Variants in RAMP3 observed in about 807,000 individuals in gnomAD.
RAMP3 encodes the protein receptor activity-modifying protein 3.
Under a neutral mutation model 13.5 loss-of-function variants are expected in RAMP3, and 14 were observed. The observed-to-expected ratio is 1.04, with a 90% CI of 0.69 to 1.63. The LOEUF (loss-of-function observed/expected upper bound fraction) is 1.63, where lower values mean the gene tolerates loss of function less well. Ranked by LOEUF, RAMP3 falls within the 40% of genes most tolerant of loss-of-function variation. The pLI is 0.00. For missense variants in RAMP3, 200 were observed against 204.8 expected, an observed-to-expected ratio of 0.98 and a Z score of 0.14; for synonymous variants, 106 against 88.3, an observed-to-expected ratio of 1.20 and a Z score of -1.12.
chr7:45,172,200 G>A (rs1231867161), intron 1 of RAMP3, among the ~76,000 whole-genome samples: 1 of 152,216 alleles, frequency 6.6e-6, no homozygotes, highest in East Asian at 1.9e-4. Context: ...CCTGGAGCTG[G>A]GAGGGACATG....
intron 1 of RAMP3, among the ~76,000 whole-genome samples, chr7:45,172,441 A>C (rs1004226019): frequency 6.6e-6 from 1 of 152,160 alleles, no homozygotes; most frequent in East Asian, 1.9e-4. Flanking sequence ...TGAGCTTCTC[A>C]TACCACCATC....
At position 45,183,950 on chromosome 7, in the gene RAMP3, C is replaced by G; in HGVS notation, c.*538C>G. 1 of 414,624 alleles carries G rather than the reference C, an allele frequency of 2.4e-6. No homozygotes were observed. Among genetic ancestry groups the G allele is most frequent in the Non-Finnish European group, 4.3e-6 (1 of 234,450 alleles). 25.7% of individuals were successfully genotyped at this position (414,624 alleles called of 1,614,324 possible). A position where few individuals can be genotyped will look rare whatever the true frequency, so the allele number is the denominator to read the frequency against. ...CCTCCGAGCCCTCCTGGTGGGAAGA[C>G]AGCTGGAAAGGCTGGGAGGAGAAGG... On this transcript the variant is annotated 3_prime_UTR_variant, in exon 3 of 3. Transcript: ENST00000242249.
At chr7:45,163,323 A>G (rs1003610134) in intron 1 of RAMP3, 3 of 985,338 alleles carry the variant, frequency 3.0e-6, no homozygotes, top group East Asian at 2.3e-4. Flanking sequence ...TACCAGCCTT[A>G]TAGAAGAATG....
Position 45,183,352 on chromosome 7 carries a change from G to A in RAMP3, c.387G>A (p.Leu129=), listed in dbSNP as rs997378061. ...CGCTGATCGTTATACCCGTCGTTCTGACTGTCGCCATGGCTGGCCTGGTGG... is the reference window on the plus strand; with the variant it reads ...CGCTGATCGTTATACCCGTCGTTCTAACTGTCGCCATGGCTGGCCTGGTGG... ...LIPLIVIPVV[L]TVAMAGLVVW... The change falls in exon 3 of 3, where the codon CTG becomes CTA. Residue 129 remains leucine (L), a synonymous_variant. Coordinates refer to ENST00000242249, the MANE Select transcript of RAMP3 (RefSeq NM_005856.3). 8 of 1,613,792 alleles carry A rather than the reference G, an allele frequency of 5.0e-6. No homozygotes were observed. The highest frequency in any genetic ancestry group is 1.3e-5 in the African/African-American group (1 of 74,938).
chr7:45,162,649 C>T (rs114060212), intron 1 of RAMP3, among the ~76,000 whole-genome samples: 1,773 of 152,240 alleles, frequency 0.012, 30 homozygotes, highest in African/African-American at 0.041. Flanking sequence ...TAGGGCTTGG[C>T]GGGTTGGGCC....
intron 1 of RAMP3, among the ~76,000 whole-genome samples, chr7:45,170,150 C>CTT (rs35891443): frequency 7.1e-4 from 90 of 127,120 alleles, no homozygotes; most frequent in African/African-American, 1.3e-3. Context: ...CTTTTAAAAG[C>CTT]TTTTTTTTTT....
At position 45,184,177 on chromosome 7, in the gene RAMP3, G is replaced by T; in HGVS notation, c.*765G>T. 1 of 398,728 alleles carries T rather than the reference G, an allele frequency of 2.5e-6. No homozygotes were observed. The highest frequency in any genetic ancestry group is 4.4e-6 in the Non-Finnish European group (1 of 226,164). The allele number at this position is 398,728 out of a possible 1,614,324, so 24.7% of individuals were successfully genotyped here. A position where few individuals can be genotyped will look rare whatever the true frequency, so the allele number is the denominator to read the frequency against. ...TGTGGGTGAGGGGCCCTCTGGAATG[G>T]CATCCCATGAGCTTGTGGCCTCTAT... On this transcript the variant is annotated 3_prime_UTR_variant, in exon 3 of 3. Transcript: ENST00000242249.
rs569002365 is a variant in RAMP3 at position 45,180,097 on chromosome 7, T to C, written c.191+2656T>C. On this transcript the variant is annotated intron_variant, in intron 2 of 2. Coordinates refer to ENST00000242249, the MANE Select transcript of RAMP3 (RefSeq NM_005856.3). The stretch of plus-strand genomic sequence containing the variant: ...GCACCTCCAGCATCTGATTCCCACA[T>C]ACCTTTCTCAAGCTCTGGCGGCTGT... 4.6e-5 allele frequency among the ~76,000 whole-genome samples: 7 copies of C among 152,344 alleles called. No individual in the cohort carries two copies. The East Asian group carries it at 1.2e-3, about 25-fold the overall frequency.
At chr7:45,183,102 G>T in intron 2 of RAMP3, 55 bp from the exon 3 acceptor site, 7 of 1,596,192 alleles carry the variant, frequency 4.4e-6, no homozygotes, top group Admixed American at 1.7e-5. Context: ...TCAGGTCAGG[G>T]CAGGTGTGAG....
intron 1 of RAMP3, among the ~76,000 whole-genome samples, chr7:45,171,857 T>C (rs1786089902): frequency 6.6e-6 from 1 of 152,258 alleles, no homozygotes; most frequent in Admixed American, 6.5e-5. Flanking sequence ...TATGGAAATA[T>C]CTGTCTCTTC....
intron 1 of RAMP3, among the ~76,000 whole-genome samples, chr7:45,162,185 C>T (rs1166608282): frequency 1.3e-5 from 2 of 152,142 alleles, no homozygotes; most frequent in Non-Finnish European, 2.9e-5. Flanking sequence ...TTGGGAAAGT[C>T]GCTTTCTTTT....
At chr7:45,174,596 A>T (rs1458565411) in intron 1 of RAMP3, among the ~76,000 whole-genome samples, 1 of 151,946 alleles carries the variant, frequency 6.6e-6, no homozygotes, top group Non-Finnish European at 1.5e-5. Context: ...AGTGGTCCTG[A>T]TGCAGCCCTG....
chr7:45,169,842 C>G (rs2128656624), intron 1 of RAMP3, among the ~76,000 whole-genome samples: 1 of 152,282 alleles, frequency 6.6e-6, no homozygotes, highest in East Asian at 1.9e-4. Flanking sequence ...CAGTTGAGAC[C>G]CTATTTCCAA....
intron 1 of RAMP3, chr7:45,163,069 C>CA (rs1015925959): frequency 1.3e-6 from 1 of 751,780 alleles, no homozygotes; most frequent in African/African-American, 1.9e-5. Flanking sequence ...CTCTCAGTCT[C>CA]AGCCTTGACC....
chr7:45,167,654 C>A (rs1026764661), intron 1 of RAMP3, among the ~76,000 whole-genome samples: 2 of 151,812 alleles, frequency 1.3e-5, no homozygotes, highest in Non-Finnish European at 2.9e-5. Context: ...ACCTCCGCCT[C>A]CCGGGTTCAA....
At chr7:45,177,939 T>C (rs773637781) in intron 2 of RAMP3, among the ~76,000 whole-genome samples, 5 of 151,846 alleles carry the variant, frequency 3.3e-5, no homozygotes, top group Non-Finnish European at 5.9e-5. Context: ...GGGGGTGCCC[T>C]GTCTGGGAGG....
At chr7:45,164,118 C>T (rs1271702485) in intron 1 of RAMP3, among the ~76,000 whole-genome samples, 1 of 152,210 alleles carries the variant, frequency 6.6e-6, no homozygotes, top group Admixed American at 6.5e-5. Context: ...TGTACCCCAC[C>T]CTTCCACACA....
chr7:45,160,188 C>T (rs941446452), intron 1 of RAMP3, among the ~76,000 whole-genome samples: 11 of 151,350 alleles, frequency 7.3e-5, no homozygotes, highest in Admixed American at 1.3e-4. Flanking sequence ...AAATATTAGC[C>T]GGGTGTGGTG....
chr7:45,172,165 C>T (rs1469347855), intron 1 of RAMP3, among the ~76,000 whole-genome samples: 1 of 152,156 alleles, frequency 6.6e-6, no homozygotes, highest in Non-Finnish European at 1.5e-5. Flanking sequence ...GCCTCATCTG[C>T]CCAGAAAGAA....
Sources: allele counts gnomAD v4.1 joint callset (sites outside exome capture counted in the v4.1 genomes callset), GRCh38; gene constraint gnomAD v4.1.1; transcripts MANE v1.5; gene names NCBI Gene and HGNC (gene_info 2026-07-23, HGNC 2026-07-21).